Variants in FOXP2 observed in about 807,000 individuals in gnomAD.
The protein encoded by FOXP2 is forkhead box protein P2.
A neutral mutation model predicts 115.8 loss-of-function variants in FOXP2; 12 were observed. The ratio of observed to expected loss-of-function variants is 0.10; its 90% CI spans 0.07 to 0.17. The LOEUF (loss-of-function observed/expected upper bound fraction) is 0.17, where lower values mean the gene tolerates loss of function less well. Among genes scored for constraint, FOXP2 ranks in the 10% least tolerant of loss-of-function variants. The pLI is 1.00. For synonymous variants in FOXP2, 328 were observed against 297.7 expected (o/e 1.10, Z -1.05); for missense variants, 629 against 843.5 (o/e 0.75, Z 3.15).
intron 3 of FOXP2, among the ~76,000 whole-genome samples, chr7:114,582,424 A>G (rs927750644): frequency 6.6e-6 from 1 of 152,148 alleles, no homozygotes; most frequent in Non-Finnish European, 1.5e-5. Flanking sequence ...AAAATAAGGA[A>G]AGGGTGTACT....
chr7:114,610,860 C>A (rs1192716930), intron 3 of FOXP2, among the ~76,000 whole-genome samples: 1 of 151,890 alleles, frequency 6.6e-6, no homozygotes, highest in Non-Finnish European at 1.5e-5. Context: ...GTCTCAAACT[C>A]CTGGGCTCAA....
At chr7:114,620,110 C>T (rs570735362) in intron 3 of FOXP2, among the ~76,000 whole-genome samples, 22 of 152,014 alleles carry the variant, frequency 1.4e-4, no homozygotes, top group African/African-American at 5.3e-4. Context: ...AACAAAACTA[C>T]CAGAAACAAA....
intron 1 of FOXP2, among the ~76,000 whole-genome samples, chr7:114,220,884 C>T (rs1039307196): frequency 6.6e-6 from 1 of 152,096 alleles, no homozygotes; most frequent in African/African-American, 2.4e-5. Context: ...AGAAAACTCT[C>T]TCGAAGTCTT....
chr7:114,309,988 C>G (rs1260803578), intron 2 of FOXP2, among the ~76,000 whole-genome samples: 3 of 152,054 alleles, frequency 2.0e-5, no homozygotes. Flanking sequence ...ATCTGCCAGT[C>G]TCTGCTTTTC....
intron 1 of FOXP2, among the ~76,000 whole-genome samples, chr7:114,184,481 T>G (rs1027564670): frequency 6.6e-6 from 1 of 152,148 alleles, no homozygotes; most frequent in Non-Finnish European, 1.5e-5. Flanking sequence ...CATAAATGAT[T>G]TATGGAGAGA....
rs185353847 is a variant in FOXP2, at chr7:114,677,573, T to G, written c.2004-12209T>G. ...GACCACAATCTAAAAGGATAAACTT[T>G]CCCTTTATAATTTGACTGTTTGCTT... is the stretch of plus-strand genomic sequence containing the variant. On this transcript the variant is annotated intron_variant, in intron 16 of 16. Transcript: ENST00000350908. Among the ~76,000 whole-genome samples, 24 of 152,318 alleles carry G rather than the reference T, an allele frequency of 1.6e-4. 1 individual carries two copies. The highest frequency in any genetic ancestry group is 1.6e-3 in the Admixed American group (24 of 15,288).
At chr7:114,367,420 T>C (rs185369305) in intron 2 of FOXP2, among the ~76,000 whole-genome samples, 1 of 152,276 alleles carries the variant, frequency 6.6e-6, no homozygotes, top group Non-Finnish European at 1.5e-5. Context: ...CACCCAGGGA[T>C]TGTCTACCAT....
At chr7:114,539,266 A>G (rs1300184002) in intron 3 of FOXP2, among the ~76,000 whole-genome samples, 2 of 151,942 alleles carry the variant, frequency 1.3e-5, no homozygotes, top group Non-Finnish European at 1.5e-5. Flanking sequence ...TCATTACAAA[A>G]TGTATTTTAG....
At chr7:114,098,379 A>G (rs1307262333) in intron 1 of FOXP2, among the ~76,000 whole-genome samples, 4 of 152,214 alleles carry the variant, frequency 2.6e-5, no homozygotes, top group Admixed American at 2.6e-4. Context: ...CTAAAATCAG[A>G]CACATAGACC....
chr7:114,335,951 G>A (rs1412399161), intron 2 of FOXP2, among the ~76,000 whole-genome samples: 1 of 151,710 alleles, frequency 6.6e-6, no homozygotes, highest in African/African-American at 2.4e-5. Context: ...GTTTAAAGAT[G>A]AACCAAGCAT....
At chr7:114,123,182 C>G (rs2129144045) in intron 1 of FOXP2, among the ~76,000 whole-genome samples, 1 of 151,856 alleles carries the variant, frequency 6.6e-6, no homozygotes, top group Admixed American at 6.6e-5. Context: ...GAGACCCTGT[C>G]TCTACAAAAT....
At chr7:114,107,069 A>C (rs1003022286) in intron 1 of FOXP2, among the ~76,000 whole-genome samples, 1 of 151,850 alleles carries the variant, frequency 6.6e-6, no homozygotes, top group Non-Finnish European at 1.5e-5. Flanking sequence ...AATGATTTCT[A>C]TGTCATTTGA....
intron 1 of FOXP2, among the ~76,000 whole-genome samples, chr7:114,128,654 G>A (rs1317094927): frequency 1.3e-5 from 2 of 151,908 alleles, no homozygotes; most frequent in African/African-American, 4.8e-5. Flanking sequence ...AATATATTTA[G>A]TCTCTTATCT....
chr7:114,272,239 T>G lies in FOXP2; in HGVS notation c.-101-15780T>G, dbSNP rs137903338. On this transcript the variant is annotated intron_variant, in intron 1 of 17. Transcript: ENST00000634411. ...CCTTACATTCCTGAGATAATCCCAC[T>G]TGGTAATGGTATATAATTTTTACAC... Among the ~76,000 whole-genome samples, 399 of 151,136 alleles carry G rather than the reference T, an allele frequency of 2.6e-3. 3 individuals are homozygous for G. Among genetic ancestry groups the G allele is most frequent in the African/African-American group, 9.3e-3 (384 of 41,322 alleles).
chr7:114,361,291 A>G (rs1791739709), intron 2 of FOXP2, among the ~76,000 whole-genome samples: 1 of 152,130 alleles, frequency 6.6e-6, no homozygotes, highest in African/African-American at 2.4e-5. Flanking sequence ...CATGTAAGAA[A>G]GTAGAGAAAA....
intron 2 of FOXP2, among the ~76,000 whole-genome samples, chr7:114,407,547 T>TA (rs754745682): frequency 2.0e-4 from 30 of 152,120 alleles, no homozygotes; most frequent in Middle Eastern, 3.2e-3. Flanking sequence ...ATGCTTTATG[T>TA]AGTGAGAGGC....
At chr7:114,369,737 CAA>C (rs1791959947) in intron 2 of FOXP2, among the ~76,000 whole-genome samples, 2 of 152,104 alleles carry the variant, frequency 1.3e-5, no homozygotes. Flanking sequence ...AAGCCCCTAT[CAA>C]CAGATTTTTA....
At chr7:114,261,942 C>T (rs1562842701) in intron 1 of FOXP2, among the ~76,000 whole-genome samples, 1 of 152,052 alleles carries the variant, frequency 6.6e-6, no homozygotes, top group East Asian at 1.9e-4. Flanking sequence ...CCTGTAATCC[C>T]AGCAACTTGG....
At chr7:114,578,294 C>T (rs1584916655) in intron 3 of FOXP2, among the ~76,000 whole-genome samples, 1 of 151,874 alleles carries the variant, frequency 6.6e-6, no homozygotes. Flanking sequence ...GGAAGGGTTG[C>T]GCCCTGTTAC....
Sources: gnomAD v4.1 joint callset for allele counts (sites outside exome capture counted in the v4.1 genomes callset) on GRCh38, gnomAD v4.1.1 for gene constraint, MANE v1.5 for transcripts, NCBI Gene and HGNC (gene_info 2026-07-23, HGNC 2026-07-21) for gene names.